ADGRL2: variants seen among roughly 807,000 people sequenced by gnomAD.
The protein encoded by ADGRL2 is adhesion G protein-coupled receptor L2.
Under a neutral mutation model 157.4 loss-of-function variants are expected in ADGRL2, and 44 were observed. The ratio of observed to expected loss-of-function variants is 0.28; its 90% CI spans 0.22 to 0.36. The LOEUF is 0.36. Among genes scored for constraint, ADGRL2 ranks in the 10% least tolerant of loss-of-function variants. ADGRL2 has a pLI of 1.00. For synonymous variants in ADGRL2, 585 were observed against 624.7 expected (o/e 0.94, Z 0.95); for missense variants, 1,510 against 1,768.9 (o/e 0.85, Z 2.63).
chr1:81,307,715 C>A (rs768385212), intron 1 of ADGRL2, among the ~76,000 whole-genome samples: 4 of 152,068 alleles, frequency 2.6e-5, no homozygotes, highest in Non-Finnish European at 4.4e-5. Flanking sequence ...TGACATAAAT[C>A]TTACATTTCA....
intron 2 of ADGRL2, among the ~76,000 whole-genome samples, chr1:81,507,804 C>T (rs1224960416): frequency 3.9e-5 from 6 of 152,118 alleles, no homozygotes. Context: ...CTACCTTATG[C>T]TACCTAAGGA....
At chr1:81,370,806 G>C (rs1277848336) in intron 1 of ADGRL2, among the ~76,000 whole-genome samples, 3 of 151,960 alleles carry the variant, frequency 2.0e-5, no homozygotes, top group Non-Finnish European at 4.4e-5. Flanking sequence ...ATCTTCACTT[G>C]TATGTAATAA....
intron 2 of ADGRL2, among the ~76,000 whole-genome samples, chr1:81,572,064 A>G (rs1251057206): frequency 1.3e-5 from 2 of 152,274 alleles, no homozygotes. Context: ...TTGAAAAATT[A>G]TAGAATAGAA....
intron 3 of ADGRL2, among the ~76,000 whole-genome samples, chr1:81,582,080 C>T (rs533203473): frequency 5.4e-4 from 82 of 152,004 alleles, no homozygotes; most frequent in Non-Finnish European, 1.0e-3. Flanking sequence ...ATTAGCCAGG[C>T]GTGGTGGCGC....
upstream of ADGRL2, among the ~76,000 whole-genome samples, chr1:81,799,354 T>C (rs2087760748): frequency 6.6e-6 from 1 of 152,214 alleles, no homozygotes; most frequent in African/African-American, 2.4e-5. Context: ...TCTTTTGAAA[T>C]AGTGAGAATA....
chr1:81,541,913 A>G (rs2079894976), intron 2 of ADGRL2, among the ~76,000 whole-genome samples: 1 of 152,044 alleles, frequency 6.6e-6, no homozygotes, highest in Non-Finnish European at 1.5e-5. Context: ...AGCCGAGATC[A>G]CTCCATTGTA....
chr1:81,917,033 A>G (rs2094873452), intron 3 of ADGRL2, among the ~76,000 whole-genome samples: 1 of 151,844 alleles, frequency 6.6e-6, no homozygotes, highest in Non-Finnish European at 1.5e-5. Flanking sequence ...TGGTCTCACT[A>G]TGTTGCCCAG....
intron 2 of ADGRL2, among the ~76,000 whole-genome samples, chr1:81,889,773 C>T (rs1047444278): frequency 3.9e-5 from 6 of 152,186 alleles, no homozygotes; most frequent in Non-Finnish European, 8.8e-5. Flanking sequence ...TTTCAAAGGA[C>T]AGACTGTCTT....
At chr1:81,770,440 C>T (rs559294462) in intron 2 of ADGRL2, among the ~76,000 whole-genome samples, 21 of 151,912 alleles carry the variant, frequency 1.4e-4, no homozygotes, top group Non-Finnish European at 2.4e-4. Context: ...GGATTACAGG[C>T]GTGAGCCACC....
intron 3 of ADGRL2, among the ~76,000 whole-genome samples, chr1:81,928,232 G>A (rs917174467): frequency 8.6e-5 from 13 of 152,022 alleles, no homozygotes; most frequent in Non-Finnish European, 1.5e-4. Flanking sequence ...TACTTATCCC[G>A]CCTTCCTTTT....
chr1:81,650,792 G>C (rs564428323), intron 3 of ADGRL2, among the ~76,000 whole-genome samples: 1 of 152,064 alleles, frequency 6.6e-6, no homozygotes. Context: ...AGGCTTGCTA[G>C]TGCTACCTTA....
intron 1 of ADGRL2, among the ~76,000 whole-genome samples, chr1:81,344,638 C>A (rs1336996319): frequency 1.4e-5 from 2 of 140,506 alleles, no homozygotes; most frequent in Non-Finnish European, 3.0e-5. Context: ...TGCACTCCAG[C>A]CTGGGTGACA....
chr1:81,646,862 G>T (rs1261515793), intron 3 of ADGRL2, among the ~76,000 whole-genome samples: 1 of 152,250 alleles, frequency 6.6e-6, no homozygotes, highest in African/African-American at 2.4e-5. Context: ...AAGCTAAAAT[G>T]CCTTCACCAG....
At chr1:81,904,790 C>G (rs2094554044) in intron 2 of ADGRL2, among the ~76,000 whole-genome samples, 1 of 152,052 alleles carries the variant, frequency 6.6e-6, no homozygotes, top group South Asian at 2.1e-4. Context: ...GCCTGTAATC[C>G]TAGCTACTCA....
At chr1:81,644,790 C>T (rs924575953) in intron 3 of ADGRL2, among the ~76,000 whole-genome samples, 1 of 152,166 alleles carries the variant, frequency 6.6e-6, no homozygotes, top group African/African-American at 2.4e-5. Context: ...GAGAAAGTTA[C>T]ACATGTGGGA....
chr1:81,675,821 C>A (rs1362763843), intron 3 of ADGRL2, among the ~76,000 whole-genome samples: 1 of 152,092 alleles, frequency 6.6e-6, no homozygotes, highest in African/African-American at 2.4e-5. Flanking sequence ...ACCTCATGAT[C>A]CACCTGCCTT....
chr1:81,779,460 C>T (rs769449395), intron 2 of ADGRL2, among the ~76,000 whole-genome samples: 1 of 151,986 alleles, frequency 6.6e-6, no homozygotes, highest in Non-Finnish European at 1.5e-5. Flanking sequence ...TTATTGATCG[C>T]CCTCCTCATT....
At chr1:81,379,506 G>A (rs1236292554) in intron 1 of ADGRL2, among the ~76,000 whole-genome samples, 1 of 152,192 alleles carries the variant, frequency 6.6e-6, no homozygotes, top group East Asian at 1.9e-4. Context: ...CTTAAGGAAT[G>A]AGTGCAAGGT....
At position 81,942,948 on chromosome 1, in the gene ADGRL2, GT is replaced by G; in HGVS notation, c.410-20del. ...AATTTTTTAACTTGGCTTAATTTTTGTCTTTCTCTGTAACTGTTAGTTTTTG... is the reference window on the plus strand; with the variant it reads ...AATTTTTTAACTTGGCTTAATTTTTGCTTTCTCTGTAACTGTTAGTTTTTG... On this transcript the variant is annotated intron_variant, in intron 5 of 23. Transcript: ENST00000686636. 1.3e-6 allele frequency: 2 copies of G among 1,575,378 alleles called. No homozygotes were observed. The highest frequency in any genetic ancestry group is 8.7e-7 in the Non-Finnish European group (1 of 1,153,340).
Sources: gnomAD v4.1 joint callset for allele counts (sites outside exome capture counted in the v4.1 genomes callset) on GRCh38, gnomAD v4.1.1 for gene constraint, MANE v1.5 for transcripts, NCBI Gene and HGNC (gene_info 2026-07-23, HGNC 2026-07-21) for gene names.